CFAP299: variants seen among roughly 807,000 people sequenced by gnomAD.
The protein encoded by CFAP299 is cilia- and flagella-associated protein 299.
CFAP299 carries 21 observed loss-of-function variants against 27.0 expected under a neutral mutation model. That is an observed-to-expected ratio of 0.78 (90% confidence interval 0.55 to 1.12). The LOEUF (loss-of-function observed/expected upper bound fraction) is 1.12. Ranked by LOEUF, CFAP299 falls within the 50% of genes most tolerant of loss-of-function variation. The pLI is 0.00. For missense variants in CFAP299, 310 were observed against 276.6 expected, an observed-to-expected ratio of 1.12 and a Z score of -0.86; for synonymous variants, 104 against 98.1, an observed-to-expected ratio of 1.06 and a Z score of -0.36.
rs989661516 is a variant in CFAP299 at position 80,567,540 on chromosome 4, G to A, written c.243-15553G>A. On this transcript the variant is annotated intron_variant, in intron 2 of 5. Transcript: ENST00000358105. Reference sequence around the variant, plus strand: ...TAAGAATAGTTTACGAAAAAAAGGGGAGGAGACTAAAAAAGCACATATCGG... The same window carrying A: ...TAAGAATAGTTTACGAAAAAAAGGGAAGGAGACTAAAAAAGCACATATCGG... Among the ~76,000 whole-genome samples the A allele has an allele frequency of 4.0e-5, 6 of 151,834 alleles. No homozygotes were observed. The South Asian group carries it at 8.3e-4, about 21-fold the overall frequency.
At chr4:80,730,606 C>T (rs1211995659) in intron 3 of CFAP299, among the ~76,000 whole-genome samples, 3 of 152,080 alleles carry the variant, frequency 2.0e-5, no homozygotes, top group Non-Finnish European at 2.9e-5. Context: ...CCCAGTCAAG[C>T]CTTAAGATGC....
intron 5 of CFAP299, among the ~76,000 whole-genome samples, chr4:80,955,019 A>C (rs1309111863): frequency 9.9e-5 from 14 of 140,706 alleles, no homozygotes; most frequent in African/African-American, 2.4e-4. Flanking sequence ...AAAAAAAAAA[A>C]AAAAAAAAAA....
At chr4:80,517,233 T>C (rs1578543261) in intron 2 of CFAP299, among the ~76,000 whole-genome samples, 1 of 151,322 alleles carries the variant, frequency 6.6e-6, no homozygotes, top group Non-Finnish European at 1.5e-5. Flanking sequence ...AGGAAAGAAA[T>C]AGGAAATTGT....
chr4:80,530,750 TAGAA>T (rs1375371876), intron 2 of CFAP299, among the ~76,000 whole-genome samples: 7 of 152,082 alleles, frequency 4.6e-5, no homozygotes, highest in African/African-American at 1.7e-4. Context: ...TGACGATAGT[TAGAA>T]AGAGATGAAA....
intron 4 of CFAP299, among the ~76,000 whole-genome samples, chr4:80,905,993 A>T (rs1735164013): frequency 6.6e-6 from 1 of 152,206 alleles, no homozygotes; most frequent in African/African-American, 2.4e-5. Context: ...AGCACATTCT[A>T]GCATTAAACC....
chr4:80,946,028 C>T (rs1374712608), intron 5 of CFAP299, among the ~76,000 whole-genome samples: 3 of 150,770 alleles, frequency 2.0e-5, no homozygotes, highest in African/African-American at 7.4e-5. Flanking sequence ...TGTCGCATGC[C>T]TGTAATCCCA....
intron 2 of CFAP299, among the ~76,000 whole-genome samples, chr4:80,562,424 C>G (rs996535317): frequency 6.6e-6 from 1 of 152,012 alleles, no homozygotes; most frequent in East Asian, 1.9e-4. Flanking sequence ...ATGGTGAAGC[C>G]CTGTCTCTAC....
At chr4:80,572,000 C>T (rs549759539) in intron 2 of CFAP299, among the ~76,000 whole-genome samples, 1 of 152,130 alleles carries the variant, frequency 6.6e-6, no homozygotes, top group African/African-American at 2.4e-5. Flanking sequence ...AATAGCATTA[C>T]AGATACATAT....
At chr4:80,839,380 A>G (rs1730741845) in intron 3 of CFAP299, among the ~76,000 whole-genome samples, 1 of 152,126 alleles carries the variant, frequency 6.6e-6, no homozygotes, top group Admixed American at 6.6e-5. Flanking sequence ...GGGGAAGGAA[A>G]TACTGTCTCT....
At chr4:80,600,477 G>C (rs758516227) in intron 3 of CFAP299, among the ~76,000 whole-genome samples, 1 of 152,034 alleles carries the variant, frequency 6.6e-6, no homozygotes, top group African/African-American at 2.4e-5. Context: ...GACAGTGTAC[G>C]TTTATTTTCC....
chr4:80,382,225 A>G (rs534146927), intron 2 of CFAP299, among the ~76,000 whole-genome samples: 1 of 152,364 alleles, frequency 6.6e-6, no homozygotes, highest in East Asian at 1.9e-4. Context: ...AACCTAGGCA[A>G]TACCATTCTG....
At chr4:80,386,866 G>T in intron 2 of CFAP299, 1 of 858,264 alleles carries the variant, frequency 1.2e-6, no homozygotes, top group Non-Finnish European at 2.0e-6. Context: ...TTGTCCTTGA[G>T]GTTGAATGCG....
chr4:80,693,728 T>C (rs1383178768), intron 3 of CFAP299, among the ~76,000 whole-genome samples: 1 of 151,764 alleles, frequency 6.6e-6, no homozygotes, highest in Non-Finnish European at 1.5e-5. Context: ...ACTGGCATTC[T>C]AAAGCAGTAC....
chr4:80,569,763 A>T (rs956376150), intron 2 of CFAP299, among the ~76,000 whole-genome samples: 3 of 152,046 alleles, frequency 2.0e-5, no homozygotes, highest in African/African-American at 2.4e-5. Flanking sequence ...GATGTACAAG[A>T]CTTATTAAGA....
intron 2 of CFAP299, among the ~76,000 whole-genome samples, chr4:80,489,455 G>T (rs1486935048): frequency 8.0e-6 from 1 of 124,956 alleles, no homozygotes; most frequent in African/African-American, 4.6e-5. Flanking sequence ...CTTTGGTTAG[G>T]ATCACAGAAG....
At chr4:80,488,498 G>A (rs866415059) in intron 2 of CFAP299, among the ~76,000 whole-genome samples, 3 of 147,398 alleles carry the variant, frequency 2.0e-5, no homozygotes, top group Admixed American at 6.7e-5. Context: ...TTTTGAGATG[G>A]AGTCTCACTC....
intron 3 of CFAP299, among the ~76,000 whole-genome samples, chr4:80,744,310 G>C (rs1024554480): frequency 2.7e-5 from 4 of 146,894 alleles, no homozygotes; most frequent in African/African-American, 5.0e-5. Flanking sequence ...CTCAAATTCT[G>C]ATCAAGAGAC....
At chr4:80,601,557 A>G (rs908497347) in intron 3 of CFAP299, among the ~76,000 whole-genome samples, 2 of 152,226 alleles carry the variant, frequency 1.3e-5, no homozygotes, top group Non-Finnish European at 2.9e-5. Context: ...TACTGGAATG[A>G]TGGCTTAGTG....
At chr4:80,329,853 C>A in the CFAP299 span, among the ~76,000 whole-genome samples, 1 of 152,138 alleles carries the variant, frequency 6.6e-6, no homozygotes, top group South Asian at 2.1e-4. Flanking sequence ...TAGAGATTAT[C>A]ATGTAATTTA....
Sources: gnomAD v4.1 joint callset for allele counts (sites outside exome capture counted in the v4.1 genomes callset) on GRCh38, gnomAD v4.1.1 for gene constraint, MANE v1.5 for transcripts, NCBI Gene and HGNC (gene_info 2026-07-23, HGNC 2026-07-21) for gene names.